AGBL1: variants seen among roughly 807,000 people sequenced by gnomAD.
The protein encoded by AGBL1 is AGBL carboxypeptidase 1, also known as cytosolic carboxypeptidase 4.
AGBL1 carries 130 observed loss-of-function variants against 118.9 expected under a neutral mutation model. The ratio of observed to expected loss-of-function variants is 1.09; its 90% CI spans 0.95 to 1.26. The LOEUF (loss-of-function observed/expected upper bound fraction) is 1.26. Ranked by LOEUF, AGBL1 falls within the 50% of genes most tolerant of loss-of-function variation. AGBL1 has a pLI of 0.00. For synonymous variants in AGBL1, 555 were observed against 478.9 expected, an observed-to-expected ratio of 1.16 and a Z score of -2.08; for missense variants, 1,584 against 1,298.1, an observed-to-expected ratio of 1.22 and a Z score of -3.38.
At chr15:86,705,532 G>A (rs549603807) in intron 22 of AGBL1, among the ~76,000 whole-genome samples, 2 of 152,250 alleles carry the variant, frequency 1.3e-5, no homozygotes, top group African/African-American at 4.8e-5. Context: ...TGAATTACTG[G>A]AAAGTATGTT....
At chr15:86,624,380 G>T (rs8033368) in intron 21 of AGBL1, among the ~76,000 whole-genome samples, 23,595 of 152,148 alleles carry the variant, frequency 0.16, 2,227 homozygotes, top group African/African-American at 0.25. Context: ...CATTCAACAT[G>T]CAGTAACATT....
At chr15:86,802,510 C>T (rs775983200) in intron 22 of AGBL1, among the ~76,000 whole-genome samples, 4 of 152,016 alleles carry the variant, frequency 2.6e-5, no homozygotes, top group Admixed American at 6.6e-5. Flanking sequence ...GAGCCCAATG[C>T]GGTAATATAA....
intron 1 of AGBL1, among the ~76,000 whole-genome samples, chr15:86,113,261 C>CTTTTCTTTTCT (rs1268457529): frequency 6.8e-5 from 4 of 59,226 alleles, no homozygotes; most frequent in African/African-American, 1.2e-4. Flanking sequence ...TCTTTTCTTT[C>CTTTTCTTTTCT]TTTCTTTCTT....
chr15:87,006,827 A>T (rs952850269), intron 24 of AGBL1, among the ~76,000 whole-genome samples: 1 of 152,134 alleles, frequency 6.6e-6, no homozygotes, highest in Non-Finnish European at 1.5e-5. Context: ...AACCCCTTGG[A>T]GCCAAGATTT....
intron 1 of AGBL1, chr15:86,109,726 A>G (rs572170882): frequency 6.6e-6 from 1 of 152,346 alleles, no homozygotes; most frequent in South Asian, 2.1e-4. Context: ...TATAAAGCAG[A>G]TTCCAGCTCT....
intron 22 of AGBL1, among the ~76,000 whole-genome samples, chr15:86,812,488 T>G (rs1465949084): frequency 6.6e-6 from 1 of 152,242 alleles, no homozygotes; most frequent in Non-Finnish European, 1.5e-5. Flanking sequence ...AAAAACAGTT[T>G]TGATGCTCGA....
chr15:86,390,093 A>G (rs1019779457), intron 17 of AGBL1, among the ~76,000 whole-genome samples: 2 of 152,182 alleles, frequency 1.3e-5, no homozygotes, highest in African/African-American at 4.8e-5. Flanking sequence ...AATACTAACC[A>G]AAAGAAAGCC....
intron 22 of AGBL1, among the ~76,000 whole-genome samples, chr15:86,774,915 G>A (rs1277156777): frequency 1.3e-5 from 2 of 152,062 alleles, no homozygotes; most frequent in Non-Finnish European, 2.9e-5. Flanking sequence ...TAAGGAGTGA[G>A]GATGTTGCCC....
chr15:86,380,596 T>C (rs966259374), intron 17 of AGBL1, among the ~76,000 whole-genome samples: 1 of 145,004 alleles, frequency 6.9e-6, no homozygotes, highest in Non-Finnish European at 1.5e-5. Flanking sequence ...CTATGGCATA[T>C]TCATCCGTCT....
chr15:86,271,043 A>ACT (rs1400470527), intron 14 of AGBL1, among the ~76,000 whole-genome samples: 3 of 89,064 alleles, frequency 3.4e-5, no homozygotes, highest in African/African-American at 1.4e-4. Flanking sequence ...GTCACGTTGC[A>ACT]TTTTTTTTTT....
chr15:86,150,014 C>T (rs888198699), intron 3 of AGBL1, among the ~76,000 whole-genome samples: 1 of 152,182 alleles, frequency 6.6e-6, no homozygotes, highest in African/African-American at 2.4e-5. Flanking sequence ...GAACAACCTG[C>T]TCCTGAATAA....
At chr15:86,676,960 G>A (rs2085859650) in intron 22 of AGBL1, among the ~76,000 whole-genome samples, 1 of 152,070 alleles carries the variant, frequency 6.6e-6, no homozygotes, top group Non-Finnish European at 1.5e-5. Flanking sequence ...AGGTTGCAGT[G>A]AGCCAAGATC....
At chr15:86,362,724 T>A (rs1596016911) in intron 17 of AGBL1, among the ~76,000 whole-genome samples, 3 of 152,188 alleles carry the variant, frequency 2.0e-5, no homozygotes, top group African/African-American at 7.2e-5. Flanking sequence ...CAGGGCTGAC[T>A]CTGGACTGTG....
chr15:86,880,409 A>C (rs538959706), intron 22 of AGBL1, among the ~76,000 whole-genome samples: 1 of 152,326 alleles, frequency 6.6e-6, no homozygotes, highest in East Asian at 1.9e-4. Flanking sequence ...CATCTCAGGC[A>C]TGGAGCAGGG....
chr15:86,937,361 A>T (rs189415839), intron 23 of AGBL1, among the ~76,000 whole-genome samples: 1 of 152,368 alleles, frequency 6.6e-6, no homozygotes, highest in Non-Finnish European at 1.5e-5. Context: ...ACAAATGTTC[A>T]TTGCAGCACT....
At chr15:86,618,556 A>T (rs1183992394) in intron 21 of AGBL1, among the ~76,000 whole-genome samples, 1 of 152,342 alleles carries the variant, frequency 6.6e-6, no homozygotes, top group East Asian at 1.9e-4. Flanking sequence ...ATCTGCATTT[A>T]ATTAGCTTTT....
In AGBL1 at chr15:86,985,922, CT is replaced by C. The variant is rs57966049; in HGVS notation, c.3222-2046del. Among the ~76,000 whole-genome samples, 1,382 of 149,608 alleles carry C rather than the reference CT, an allele frequency of 9.2e-3. 9 individuals carry two copies. The highest frequency in any genetic ancestry group is 0.031 in the African/African-American group (1,248 of 39,924). ...TTTATTTTTTTATATGGATAGCAATCTTTTTTTTTTTTTTTTTTTGAGACAG... is the reference window on the plus strand; with the variant it reads ...TTTATTTTTTTATATGGATAGCAATCTTTTTTTTTTTTTTTTTTGAGACAG... On this transcript the variant is annotated intron_variant, in intron 23 of 24. Transcript: ENST00000441037.
At chr15:86,320,988 G>T (rs1038245929) in intron 17 of AGBL1, among the ~76,000 whole-genome samples, 5 of 152,072 alleles carry the variant, frequency 3.3e-5, no homozygotes, top group Non-Finnish European at 5.9e-5. Flanking sequence ...TACATTGCTT[G>T]ATTAAATTTG....
At chr15:86,220,679 C>A (rs969714901) in intron 5 of AGBL1, among the ~76,000 whole-genome samples, 1 of 152,138 alleles carries the variant, frequency 6.6e-6, no homozygotes, top group Non-Finnish European at 1.5e-5. Flanking sequence ...AGGATGTGGG[C>A]GGTTCCACTT....
Sources: allele counts gnomAD v4.1 joint callset (sites outside exome capture counted in the v4.1 genomes callset), GRCh38; gene constraint gnomAD v4.1.1; transcripts MANE v1.5; gene names NCBI Gene and HGNC (gene_info 2026-07-23, HGNC 2026-07-21).